SLC36A1: variants seen among roughly 807,000 people sequenced by gnomAD.
The protein encoded by SLC36A1 is solute carrier family 36 member 1, also known as proton-coupled amino acid transporter 1.
A neutral mutation model predicts 47.5 loss-of-function variants in SLC36A1; 30 were observed. The observed-to-expected ratio is 0.63, with a 90% confidence interval of 0.47 to 0.86. The LOEUF is 0.86. SLC36A1 is among the 40% of genes least tolerant of loss of function. The pLI is 0.00. For synonymous variants in SLC36A1, 255 were observed against 249.7 expected (o/e 1.02, Z -0.20); for missense variants, 517 against 606.0 (o/e 0.85, Z 1.54).
the SLC36A1 span, chr5:151,347,427 C>T: frequency 6.2e-7 from 1 of 1,614,156 alleles, no homozygotes; most frequent in Non-Finnish European, 8.5e-7. Flanking sequence ...GCAACGGCTC[C>T]CTGGGGACCC....
At chr5:151,373,411 G>A in the SLC36A1 span, among the ~76,000 whole-genome samples, 1 of 152,128 alleles carries the variant, frequency 6.6e-6, no homozygotes, top group African/African-American at 2.4e-5. Flanking sequence ...AAGGGAAAAA[G>A]ACATTTAGAT....
chr5:151,475,583 G>A (rs1232644984), intron 8 of SLC36A1, among the ~76,000 whole-genome samples: 1 of 152,158 alleles, frequency 6.6e-6, no homozygotes, highest in East Asian at 1.9e-4. Context: ...CTGGCTCTTT[G>A]TATTCTTGGT....
At position 151,457,086 on chromosome 5, in the gene SLC36A1, T is replaced by G. The variant is rs1282891424; in HGVS notation, c.-5-1702T>G. Among the ~76,000 whole-genome samples, 3 of 152,198 alleles carry G rather than the reference T, an allele frequency of 2.0e-5. No individual in the cohort carries two copies. The East Asian group carries it at 5.8e-4, about 29-fold the overall frequency. ...GGAGGATTTTTGTCATTTTTTATATTAATGTACCCTTTTTTTGTCACTTGG... is the reference window on the plus strand; with the variant it reads ...GGAGGATTTTTGTCATTTTTTATATGAATGTACCCTTTTTTTGTCACTTGG... On this transcript the variant is annotated intron_variant, in intron 1 of 10. Transcript: ENST00000243389.
the SLC36A1 span, among the ~76,000 whole-genome samples, chr5:151,397,593 C>A: frequency 6.6e-6 from 1 of 151,802 alleles, no homozygotes; most frequent in Non-Finnish European, 1.5e-5. Flanking sequence ...GGTGAAACCC[C>A]GTCTCTACTA....
chr5:151,511,019 A>G, the SLC36A1 span: 1 of 152,294 alleles, frequency 6.6e-6, no homozygotes, highest in East Asian at 1.9e-4. Context: ...TCAGCAGAAG[A>G]GTGCCATGCA....
At chr5:151,457,833 C>CT (rs200089636) in intron 1 of SLC36A1, among the ~76,000 whole-genome samples, 2,706 of 146,034 alleles carry the variant, frequency 0.019, 74 homozygotes, top group African/African-American at 0.064. Flanking sequence ...TTTCTGTTTT[C>CT]TTTTTTTTTG....
intron 1 of SLC36A1, among the ~76,000 whole-genome samples, chr5:151,439,112 C>A (rs948424475): frequency 7.8e-6 from 1 of 127,932 alleles, no homozygotes; most frequent in African/African-American, 3.3e-5. Context: ...TCTTACATGG[C>A]AGCAGGAGAG....
chr5:151,404,269 A>G, the SLC36A1 span, among the ~76,000 whole-genome samples: 15 of 152,046 alleles, frequency 9.9e-5, no homozygotes, highest in Middle Eastern at 3.2e-3. Flanking sequence ...TGTGTGATAG[A>G]CCTTTCTCCA....
At position 151,475,970 on chromosome 5, in the gene SLC36A1, C is replaced by T. The variant is rs571676867; in HGVS notation, c.823-620C>T. On this transcript the variant is annotated intron_variant, in intron 8 of 10. Coordinates refer to ENST00000243389, the MANE Select transcript of SLC36A1 (RefSeq NM_078483.4). The stretch of plus-strand genomic sequence containing the variant: ...GCTTTTACCAAAGTTAAAGAATGTC[C>T]TCTCTTATGATGAAGGAGGTAGCAA... Among the ~76,000 whole-genome samples the T allele has an allele frequency of 3.9e-5, 6 of 152,300 alleles. No homozygotes were observed. In the South Asian group the frequency reaches 1.0e-3, roughly 26 times the overall value.
chr5:151,467,133 TC>T (rs1756518414), intron 5 of SLC36A1, 65 bp from the exon 6 acceptor site: 3 of 1,267,298 alleles, frequency 2.4e-6, no homozygotes, highest in Non-Finnish European at 3.4e-6. Flanking sequence ...AAAAAACACC[TC>T]CCCTTCTGGG....
chr5:151,448,906 C>CTTG (rs1753210786), intron 1 of SLC36A1, among the ~76,000 whole-genome samples: 1 of 151,930 alleles, frequency 6.6e-6, no homozygotes, highest in Non-Finnish European at 1.5e-5. Context: ...TCTTTCTAGG[C>CTTG]TTGTTTTTTT....
the SLC36A1 span, chr5:151,512,353 G>C: frequency 4.3e-6 from 7 of 1,614,224 alleles, no homozygotes; most frequent in Admixed American, 1.0e-4. The surrounding 1 kb of genome is among the most constrained non-coding windows in gnomAD (Gnocchi z 4.1). Context: ...AAAGCCCTGG[G>C]AGACATTCGA....
the SLC36A1 span, among the ~76,000 whole-genome samples, chr5:151,357,333 A>G: frequency 4.6e-5 from 7 of 152,160 alleles, no homozygotes; most frequent in African/African-American, 1.7e-4. Context: ...AAAACCCATC[A>G]TTGTTCTTGG....
chr5:151,463,640 C>A lies in SLC36A1; in HGVS notation c.231C>A (p.Ile77=), dbSNP rs371658123. 8 of 1,613,370 alleles carry A rather than the reference C, an allele frequency of 5.0e-6. No homozygotes were observed. The highest frequency in any genetic ancestry group is 5.9e-6 in the Non-Finnish European group (7 of 1,179,390). Residue 77 remains isoleucine, a synonymous_variant, in exon 3 of 11, where the codon ATC becomes ATA. Coordinates refer to ENST00000243389, the MANE Select transcript of SLC36A1 (RefSeq NM_078483.4). ...GLPLAVKNAG[I]VMGPISLLII... ...CTCTGGCGGTGAAAAATGCAGGCATCGTGGTAAGGGTCTGCATCAGTGGAG... is the reference window on the plus strand; with the variant it reads ...CTCTGGCGGTGAAAAATGCAGGCATAGTGGTAAGGGTCTGCATCAGTGGAG...
the SLC36A1 span, chr5:151,521,661 C>G: frequency 3.1e-6 from 5 of 1,614,088 alleles, no homozygotes; most frequent in Non-Finnish European, 4.2e-6. Flanking sequence ...AGTGGTCACT[C>G]ACCAGCTCCT....
intron 8 of SLC36A1, among the ~76,000 whole-genome samples, chr5:151,475,656 G>A (rs1278643556): frequency 1.3e-5 from 2 of 152,218 alleles, no homozygotes; most frequent in South Asian, 2.1e-4. Context: ...AACTGAAGCT[G>A]GAGCAGGTGG....
At chr5:151,505,352 C>T in the SLC36A1 span, 2 of 617,728 alleles carry the variant, frequency 3.2e-6, no homozygotes, top group Non-Finnish European at 5.6e-6. Flanking sequence ...TCCTGGGACC[C>T]TAGTGCTGTT....
the SLC36A1 span, among the ~76,000 whole-genome samples, chr5:151,501,205 C>T: frequency 6.6e-6 from 1 of 152,338 alleles, no homozygotes; most frequent in African/African-American, 2.4e-5. Flanking sequence ...GGGCCCCTGA[C>T]AGTCATTTTT....
At chr5:151,362,473 C>T in the SLC36A1 span, among the ~76,000 whole-genome samples, 1 of 150,848 alleles carries the variant, frequency 6.6e-6, no homozygotes, top group Admixed American at 6.6e-5. Context: ...TCACTGCAAC[C>T]TCCGCCTCCT....
Sources: gnomAD v4.1 joint callset for allele counts (sites outside exome capture counted in the v4.1 genomes callset) on GRCh38, gnomAD v4.1.1 for gene constraint, Gnocchi (gnomAD v3.1) non-coding constraint, MANE v1.5 for transcripts, NCBI Gene and HGNC (gene_info 2026-07-23, HGNC 2026-07-21) for gene names.